CPOX: variants seen among roughly 807,000 people sequenced by gnomAD.
CPOX encodes coproporphyrinogen oxidase, also known as oxygen-dependent coproporphyrinogen-III oxidase, mitochondrial.
A neutral mutation model predicts 48.9 loss-of-function variants in CPOX; 24 were observed. That is an observed-to-expected ratio of 0.49 (90% CI 0.36 to 0.69). The LOEUF (loss-of-function observed/expected upper bound fraction) is 0.69, where lower values mean the gene tolerates loss of function less well. Ranked by LOEUF, CPOX falls within the 30% of genes least tolerant of loss-of-function variation. The pLI, the probability that CPOX is intolerant of heterozygous loss-of-function variation, is 0.00. For synonymous variants in CPOX, 249 were observed against 234.6 expected (o/e 1.06, Z -0.56); for missense variants, 549 against 597.3 (o/e 0.92, Z 0.84).
At chr3:98,590,108 T>C (rs566859244) in intron 3 of CPOX, among the ~76,000 whole-genome samples, 11 of 152,340 alleles carry the variant, frequency 7.2e-5, no homozygotes, top group South Asian at 2.1e-4. Flanking sequence ...GGAGGAAATA[T>C]GGGAAGGTTA....
the CPOX span, among the ~76,000 whole-genome samples, chr3:98,573,309 C>A: frequency 6.6e-6 from 1 of 152,204 alleles, no homozygotes; most frequent in East Asian, 1.9e-4. Flanking sequence ...ACAGTGGAGA[C>A]ATTTGACAAG....
At position 98,588,728 on chromosome 3, in the gene CPOX, G is replaced by C. The variant is rs1707413681; in HGVS notation, c.938C>G (p.Pro313Arg). 1 of 1,614,022 alleles carries C rather than the reference G, an allele frequency of 6.2e-7. No homozygotes were observed. Among genetic ancestry groups the C allele is most frequent in the Non-Finnish European group, 8.5e-7 (1 of 1,179,992 alleles). The change falls in exon 4 of 7, where the codon CCC becomes CGC. Residue 313 changes from proline to arginine, a missense_variant. Transcript: ENST00000647941. ...CTTTACCTACCATTTTTTAAATTTG[G>C]GGTAGAGATCTGGACCATGCTGGTC... Reference protein sequence around the residue: ...ACDQHGPDLYPKFKKWCDDYF... With the variant: ...ACDQHGPDLYRKFKKWCDDYF...
At chr3:98,583,119 C>A (rs138620437) in intron 5 of CPOX, among the ~76,000 whole-genome samples, 1,895 of 152,218 alleles carry the variant, frequency 0.012, 12 homozygotes, top group Middle Eastern at 0.027. Context: ...ATCGCAGAGA[C>A]CCTTGTAAAG....
chr3:98,579,403 C>T (rs1616167), downstream of CPOX: 146,532 of 623,356 alleles, frequency 0.24, 19,569 homozygotes, highest in African/African-American at 0.52. Flanking sequence ...GAAATATATG[C>T]GTTTTCCTAT....
intron 5 of CPOX, among the ~76,000 whole-genome samples, chr3:98,582,483 A>G (rs1707275904): frequency 6.7e-6 from 1 of 149,198 alleles, no homozygotes; most frequent in Non-Finnish European, 1.5e-5. Flanking sequence ...TCCCACAATA[A>G]TTTTTTTTTC....
chr3:98,588,227 T>TTTTG (rs10645692), intron 4 of CPOX, among the ~76,000 whole-genome samples: 110,231 of 151,456 alleles, frequency 0.73, 40,435 homozygotes, highest in African/African-American at 0.83. Flanking sequence ...TTCTCCCAAC[T>TTTTG]TTTGTTTGTT....
chr3:98,578,661 T>C (rs2107109287), downstream of CPOX, among the ~76,000 whole-genome samples: 1 of 152,342 alleles, frequency 6.6e-6, no homozygotes, highest in East Asian at 1.9e-4. Flanking sequence ...AGCTTTGCTT[T>C]TTCTAGGTTT....
chr3:98,587,036 C>A (rs564284137), intron 4 of CPOX, among the ~76,000 whole-genome samples: 1 of 152,306 alleles, frequency 6.6e-6, no homozygotes, highest in African/African-American at 2.4e-5. Flanking sequence ...AAAAGTAGTT[C>A]TTTTGATAAT....
At position 98,592,972 on chromosome 3, in the gene CPOX, A is replaced by G; in HGVS notation, c.533T>C (p.Val178Ala). Reference sequence around the variant, plus strand: ...ACCTTCCTTCCTCTCCCACCGGTCCACAGAAAAGTTGGCGCCCCCGTCTAC... The same window carrying G: ...ACCTTCCTTCCTCTCCCACCGGTCCGCAGAAAAGTTGGCGCCCCCGTCTAC... ...AQVDGGANFSVDRWERKEGGG... is the reference protein window; with the variant it reads ...AQVDGGANFSADRWERKEGGG... Residue 178 changes from valine to alanine, a missense_variant, in exon 1 of 7, where the codon GTG (valine) becomes GCG (alanine). Coordinates refer to ENST00000647941, the MANE Select transcript of CPOX (RefSeq NM_000097.7). 6.2e-7 allele frequency: 1 copy of G among 1,613,028 alleles called. No individual in the cohort carries two copies. The highest frequency in any genetic ancestry group is 2.2e-5 in the East Asian group (1 of 44,764).
rs149794501 is a variant in CPOX, at chr3:98,588,351, G to A, written c.953+362C>T. Among the ~76,000 whole-genome samples, 1,042 of 152,192 alleles carry A rather than the reference G, an allele frequency of 6.8e-3. 9 individuals are homozygous for A. Among genetic ancestry groups the A allele is most frequent in the African/African-American group, 0.023 (956 of 41,514 alleles). On this transcript the variant is annotated intron_variant, in intron 4 of 6. Coordinates refer to ENST00000647941, the MANE Select transcript of CPOX (RefSeq NM_000097.7). ...CTAGTGGTTCTCCAACCCTTCCAATGCCCTTAGACATTCCCAAGTCAACAT... is the reference window on the plus strand; with the variant it reads ...CTAGTGGTTCTCCAACCCTTCCAATACCCTTAGACATTCCCAAGTCAACAT...
Position 98,588,719 on chromosome 3 carries a change from T to C in CPOX, c.947A>G (p.Lys316Arg). Reference protein sequence around the residue: ...QHGPDLYPKFKKWCDDYFFIA... With the variant: ...QHGPDLYPKFRKWCDDYFFIA... ...GTTCAGTAACTTTACCTACCATTTTTTAAATTTGGGGTAGAGATCTGGACC... is the reference window on the plus strand; with the variant it reads ...GTTCAGTAACTTTACCTACCATTTTCTAAATTTGGGGTAGAGATCTGGACC... The change falls in exon 4 of 7, where the codon AAA becomes AGA. Residue 316 changes from lysine (K) to arginine (R), a missense_variant. By Grantham distance (26) the Lys-to-Arg change is conservative (BLOSUM62 2). Coordinates refer to ENST00000647941, the MANE Select transcript of CPOX (RefSeq NM_000097.7). 1.2e-6 allele frequency: 2 copies of C among 1,614,186 alleles called. No homozygotes were observed. The highest frequency in any genetic ancestry group is 1.7e-6 in the Non-Finnish European group (2 of 1,180,040).
At chr3:98,585,221 A>G (rs1707338258) in intron 5 of CPOX, among the ~76,000 whole-genome samples, 1 of 152,218 alleles carries the variant, frequency 6.6e-6, no homozygotes, top group African/African-American at 2.4e-5. Context: ...TACTTACTAC[A>G]TGCCTACTAT....
intron 5 of CPOX, 41 bp from the exon 6 acceptor site, chr3:98,581,552 T>C: frequency 6.7e-7 from 1 of 1,487,326 alleles, no homozygotes; most frequent in Non-Finnish European, 9.4e-7. Context: ...GCCAGCTCAA[T>C]AAAATCTTAA....
chr3:98,582,727 G>A (rs1707281654), intron 5 of CPOX, among the ~76,000 whole-genome samples: 2 of 152,136 alleles, frequency 1.3e-5, no homozygotes, highest in Non-Finnish European at 2.9e-5. Flanking sequence ...TCCTGACCTC[G>A]TGATCTGCCC....
At chr3:98,574,137 T>C in the CPOX span, among the ~76,000 whole-genome samples, 16 of 152,236 alleles carry the variant, frequency 1.1e-4, no homozygotes, top group African/African-American at 3.6e-4. Context: ...ACAGGTAGCT[T>C]GCAAGCATTT....
downstream of CPOX, among the ~76,000 whole-genome samples, chr3:98,577,196 T>A: frequency 6.6e-6 from 1 of 152,228 alleles, no homozygotes; most frequent in Non-Finnish European, 1.5e-5. Context: ...GGTCTGAGAC[T>A]GAAGTGCACA....
At chr3:98,578,176 T>G (rs531052878), downstream of CPOX, 133 of 771,480 alleles carry the variant, frequency 1.7e-4, no homozygotes, top group Non-Finnish European at 2.0e-4. Context: ...AGAAATTCAC[T>G]TTGAATAACA....
In CPOX at chr3:98,593,145, C is replaced by A. The variant is rs1451906768; in HGVS notation, c.360G>T (p.Glu120Asp). The change falls in exon 1 of 7, where the codon GAG (glutamate) becomes GAT (aspartate). Residue 120 changes from glutamate to aspartate, a missense_variant. This residue lies in a region of CPOX where 336 missense variants were observed against 318.1 expected (regional missense o/e 1.06). Transcript: ENST00000647941. Reference sequence around the variant, plus strand: ...TGCTGCAGCGGTGGGCCAGCTCATCCTCCTCCTCCTCCGGCCTCCCCAGCG... The same window carrying A: ...TGCTGCAGCGGTGGGCCAGCTCATCATCCTCCTCCTCCGGCCTCCCCAGCG... The part of the protein sequence containing the change: ...ATSLGRPEEE[E>D]DELAHRCSSF... 1 of 1,607,282 alleles carries A rather than the reference C, an allele frequency of 6.2e-7. No homozygotes were observed.
chr3:98,581,589 AG>A, intron 5 of CPOX, 78 bp from the exon 6 acceptor site: 1 of 1,195,678 alleles, frequency 8.4e-7, no homozygotes, highest in Non-Finnish European at 1.2e-6. Context: ...ATACTTAAAA[AG>A]GGGTGGGTTC....
Sources: allele counts gnomAD v4.1 joint callset (sites outside exome capture counted in the v4.1 genomes callset), GRCh38; gene constraint gnomAD v4.1.1; regional missense constraint gnomAD v4.1.1; transcripts MANE v1.5; gene names NCBI Gene and HGNC (gene_info 2026-07-23, HGNC 2026-07-21).